Variants in AGPAT3 observed in about 807,000 individuals in gnomAD.
AGPAT3 encodes the protein 1-acyl-sn-glycerol-3-phosphate acyltransferase gamma.
In AGPAT3, 5 loss-of-function variants were observed where a neutral mutation model predicts 47.3. The ratio of observed to expected loss-of-function variants is 0.11; its 90% CI spans 0.06 to 0.22. AGPAT3 has a LOEUF of 0.22. AGPAT3 is among the 10% of genes least tolerant of loss of function. AGPAT3 has a pLI of 1.00. For synonymous variants in AGPAT3, 212 were observed against 208.3 expected (o/e 1.02, Z -0.15); for missense variants, 315 against 493.0 (o/e 0.64, Z 3.42).
chr21:43,960,460 G>A (rs1177723166), intron 3 of AGPAT3, among the ~76,000 whole-genome samples: 5 of 152,194 alleles, frequency 3.3e-5, no homozygotes, highest in Non-Finnish European at 7.3e-5. Flanking sequence ...ATGAACAGGC[G>A]CATCTCTGGA....
Position 43,955,085 on chromosome 21 carries a change from G to T in AGPAT3, c.-48-4549G>T. The T allele has an allele frequency of 8.0e-7, 1 of 1,249,560 alleles. No individual in the cohort carries two copies. Among genetic ancestry groups the T allele is most frequent in the South Asian group, 1.3e-5 (1 of 77,140 alleles). 77.4% of individuals were successfully genotyped at this position (1,249,560 alleles called of 1,614,324 possible). A position where few individuals can be genotyped will look rare whatever the true frequency, so the allele number is the denominator to read the frequency against. On this transcript the variant is annotated intron_variant, in intron 2 of 9. Coordinates refer to ENST00000291572, the MANE Select transcript of AGPAT3 (RefSeq NM_020132.5). This position sits in a 1 kb window ranked among gnomAD's most constrained non-coding sequence, Gnocchi z 4.1. ...AAAGGCTGGGTGCCAGCTGCCTGTCGGCAGGGAGCGTATCACCGTGGCACG... is the reference window on the plus strand; with the variant it reads ...AAAGGCTGGGTGCCAGCTGCCTGTCTGCAGGGAGCGTATCACCGTGGCACG...
At chr21:43,944,340 G>A (rs995237859) in intron 2 of AGPAT3, among the ~76,000 whole-genome samples, 1 of 152,354 alleles carries the variant, frequency 6.6e-6, no homozygotes, top group East Asian at 1.9e-4. Context: ...TCCCTCCCCC[G>A]TGGGCCCTGG....
intron 2 of AGPAT3, among the ~76,000 whole-genome samples, chr21:43,915,661 G>T (rs755657331): frequency 4.6e-5 from 7 of 151,490 alleles, no homozygotes; most frequent in Non-Finnish European, 1.0e-4. Context: ...ATCCACCCGC[G>T]TTGGTCTCCC....
chr21:43,967,203 C>G (rs1302574020), intron 3 of AGPAT3: 1 of 152,272 alleles, frequency 6.6e-6, no homozygotes, highest in Non-Finnish European at 1.5e-5. Context: ...TTCAGCTCAC[C>G]AGGCCGGAGC....
rs2085940815 is a variant in AGPAT3, at chr21:43,884,920, C to T, written c.-111-19037C>T. On this transcript the variant is annotated intron_variant, in intron 1 of 9. Coordinates refer to ENST00000291572, the MANE Select transcript of AGPAT3 (RefSeq NM_020132.5). ...TTGTCTCCTTGTCTCTGCTCTCTCC[C>T]TTCTCCCACCTCACATGGGATAGAT... 4.6e-5 allele frequency among the ~76,000 whole-genome samples: 7 copies of T among 152,344 alleles called. No homozygotes were observed. The South Asian group carries it at 1.4e-3, about 32-fold the overall frequency.
intron 3 of AGPAT3, 36 bp from the exon 4 acceptor site, chr21:43,967,910 G>T: frequency 1.2e-6 from 2 of 1,603,546 alleles, no homozygotes; most frequent in Non-Finnish European, 1.7e-6. Flanking sequence ...AGGAGGAGGG[G>T]TCCTACCAGT....
At chr21:43,971,067 C>G (rs138028252) in intron 6 of AGPAT3, among the ~76,000 whole-genome samples, 8 of 152,240 alleles carry the variant, frequency 5.3e-5, no homozygotes, top group Admixed American at 3.3e-4. Context: ...ATTATTGTAT[C>G]TTATTAATCC....
rs188564117 is a variant in AGPAT3, at chr21:43,930,880, G to A, written c.-49+26861G>A. 3.9e-4 allele frequency among the ~76,000 whole-genome samples: 60 copies of A among 152,298 alleles called. 2 individuals carry two copies. In the East Asian group the frequency reaches 6.8e-3, roughly 17 times the overall value. On this transcript the variant is annotated intron_variant, in intron 2 of 9. Transcript: ENST00000291572. This position sits in a 1 kb window ranked among gnomAD's most constrained non-coding sequence, Gnocchi z 5.0. ...GGCCTGCTGCCCTGTCCCCTCGGGC[G>A]GGCGCCACTTCCTTCCTGCATGTTC...
In AGPAT3 at chr21:43,954,897, G is replaced by A. The variant is rs2088368967; in HGVS notation, c.-48-4737G>A. The A allele has an allele frequency of 3.9e-6, 2 of 513,966 alleles. No individual in the cohort carries two copies. Among genetic ancestry groups the A allele is most frequent in the Non-Finnish European group, 5.4e-6 (2 of 371,248 alleles). 31.8% of individuals were successfully genotyped at this position (513,966 alleles called of 1,614,324 possible). On this transcript the variant is annotated intron_variant, in intron 2 of 9. Transcript: ENST00000291572. The surrounding 1 kb of genome is among the most constrained non-coding windows in gnomAD (Gnocchi z 4.0). ...AGAGGGCAGGCGTGGGCTCTCCGGG[G>A]AGTCTCTGCGTAGACTTTCTAGCCC...
rs577313093 is a variant in AGPAT3 at position 43,916,411 on chromosome 21, C to T, written c.-49+12392C>T. ...AGAATTTCTGCTGAATGAAGTGTGTCGGGTTATTTGGTACGAACATATCGA... is the reference window on the plus strand; with the variant it reads ...AGAATTTCTGCTGAATGAAGTGTGTTGGGTTATTTGGTACGAACATATCGA... On this transcript the variant is annotated intron_variant, in intron 2 of 9. Coordinates refer to ENST00000291572, the MANE Select transcript of AGPAT3 (RefSeq NM_020132.5). 4.6e-5 allele frequency: 7 copies of T among 152,222 alleles called. No homozygotes were observed. The East Asian group carries it at 1.2e-3, about 25-fold the overall frequency. 9.4% of individuals were successfully genotyped at this position (152,222 alleles called of 1,614,324 possible). A position where few individuals can be genotyped will look rare whatever the true frequency, so the allele number is the denominator to read the frequency against.
intron 2 of AGPAT3, among the ~76,000 whole-genome samples, chr21:43,923,933 G>T (rs1238511081): frequency 1.3e-5 from 2 of 152,188 alleles, no homozygotes; most frequent in Admixed American, 1.3e-4. Context: ...CGAGGGCCCC[G>T]CAAGTCTCCT....
At chr21:43,893,914 G>A (rs1446504443) in intron 1 of AGPAT3, among the ~76,000 whole-genome samples, 1 of 152,176 alleles carries the variant, frequency 6.6e-6, no homozygotes, top group Non-Finnish European at 1.5e-5. Flanking sequence ...TTGAACGATT[G>A]CGAAAATTAC....
At chr21:43,959,410 G>A (rs1386312746) in intron 2 of AGPAT3, among the ~76,000 whole-genome samples, 4 of 146,944 alleles carry the variant, frequency 2.7e-5, no homozygotes, top group African/African-American at 1.0e-4. Context: ...AGTGGTGTGT[G>A]TGTGGTTTGT....
Position 43,908,064 on chromosome 21 carries a change from C to T in AGPAT3, c.-49+4045C>T, listed in dbSNP as rs894041785. Among the ~76,000 whole-genome samples, 3 of 152,198 alleles carry T rather than the reference C, an allele frequency of 2.0e-5. No homozygotes were observed. Among genetic ancestry groups the T allele is most frequent in the Non-Finnish European group, 4.4e-5 (3 of 68,030 alleles). Reference sequence around the variant, plus strand: ...GGCGCTGGCTCAGGCACCCCAGGGACGCTTTCTCTTTCCGTGTGCTGGAAG... The same window carrying T: ...GGCGCTGGCTCAGGCACCCCAGGGATGCTTTCTCTTTCCGTGTGCTGGAAG... On this transcript the variant is annotated intron_variant, in intron 2 of 9. Coordinates refer to ENST00000291572, the MANE Select transcript of AGPAT3 (RefSeq NM_020132.5). The surrounding 1 kb of genome is among the most constrained non-coding windows in gnomAD (Gnocchi z 4.9).
intron 2 of AGPAT3, among the ~76,000 whole-genome samples, chr21:43,941,893 G>A (rs1222369542): frequency 2.0e-5 from 3 of 152,360 alleles, no homozygotes; most frequent in East Asian, 1.9e-4. Flanking sequence ...GGAAAAGAGC[G>A]CCTCTGTCTG....
chr21:43,884,756 G>A (rs547619737), intron 1 of AGPAT3, among the ~76,000 whole-genome samples: 12 of 151,694 alleles, frequency 7.9e-5, no homozygotes, highest in South Asian at 2.1e-4. Flanking sequence ...CTGGTGCTGG[G>A]TGCTGGGTGG....
intron 1 of AGPAT3, among the ~76,000 whole-genome samples, chr21:43,887,728 C>T (rs780110387): frequency 6.6e-6 from 1 of 152,234 alleles, no homozygotes; most frequent in Non-Finnish European, 1.5e-5. Context: ...GATCTTAGCT[C>T]ACCGCAACCT....
At chr21:43,918,549 G>C (rs2086812210) in intron 2 of AGPAT3, among the ~76,000 whole-genome samples, 1 of 151,446 alleles carries the variant, frequency 6.6e-6, no homozygotes, top group Admixed American at 6.6e-5. Context: ...TTTTAGCTTT[G>C]TGTGTCTCTG....
chr21:43,894,118 TA>T, intron 1 of AGPAT3, among the ~76,000 whole-genome samples: 1 of 152,294 alleles, frequency 6.6e-6, no homozygotes, highest in South Asian at 2.1e-4. Flanking sequence ...GACTGCTCCG[TA>T]ATTATCCTTT....
Sources: gnomAD v4.1 joint callset for allele counts (sites outside exome capture counted in the v4.1 genomes callset) on GRCh38, gnomAD v4.1.1 for gene constraint, Gnocchi (gnomAD v3.1) non-coding constraint, MANE v1.5 for transcripts, NCBI Gene and HGNC (gene_info 2026-07-23, HGNC 2026-07-21) for gene names.